MFSD6: variants seen among roughly 807,000 people sequenced by gnomAD.
MFSD6 encodes major facilitator superfamily domain containing 6.
MFSD6 carries 26 observed loss-of-function variants against 56.3 expected under a neutral mutation model. The observed-to-expected ratio is 0.46, with a 90% CI of 0.34 to 0.64. The LOEUF (loss-of-function observed/expected upper bound fraction) is 0.64. MFSD6 is among the 30% of genes least tolerant of loss of function. The pLI, the probability that MFSD6 is intolerant of heterozygous loss-of-function variation, is 0.01. For synonymous variants in MFSD6, 331 were observed against 366.9 expected (o/e 0.90, Z 1.12); for missense variants, 750 against 986.2 (o/e 0.76, Z 3.21).
intron 2 of MFSD6, among the ~76,000 whole-genome samples, chr2:190,430,669 A>G (rs1685941438): frequency 6.6e-6 from 1 of 151,596 alleles, no homozygotes; most frequent in African/African-American, 2.4e-5. Context: ...CCCCTTTTCT[A>G]TTCCACAAAA....
intron 4 of MFSD6, among the ~76,000 whole-genome samples, chr2:190,482,246 T>A (rs1574225893): frequency 1.3e-5 from 2 of 152,180 alleles, no homozygotes; most frequent in Admixed American, 1.3e-4. Flanking sequence ...TTCATTGGAC[T>A]TTGTGTGAGC....
chr2:190,439,201 T>C lies in MFSD6; in HGVS notation c.1532+1640T>C, dbSNP rs1388860625. ...GAGCAAATCTCACTGCAGTTAATAA[T>C]GTCTTTAAAATCACTGTTATTCATT... On this transcript the variant is annotated intron_variant, in intron 3 of 7. Coordinates refer to ENST00000392328, the MANE Select transcript of MFSD6 (RefSeq NM_017694.4). This position sits in a 1 kb window ranked among gnomAD's most constrained non-coding sequence, Gnocchi z 5.8. 6.6e-6 allele frequency among the ~76,000 whole-genome samples: 1 copy of C among 152,058 alleles called. No individual in the cohort carries two copies. The highest frequency in any genetic ancestry group is 2.1e-4 in the South Asian group (1 of 4,826).
At position 190,469,664 on chromosome 2, in the gene MFSD6, C is replaced by T. The variant is rs1362920953; in HGVS notation, c.1533-94C>T. 2 of 645,042 alleles carry T rather than the reference C, an allele frequency of 3.1e-6. No individual in the cohort carries two copies. Among genetic ancestry groups the T allele is most frequent in the Non-Finnish European group, 4.4e-6 (2 of 450,190 alleles). 40.0% of individuals were successfully genotyped at this position (645,042 alleles called of 1,614,324 possible). A position where few individuals can be genotyped will look rare whatever the true frequency, so the allele number is the denominator to read the frequency against. ...GGAAGGAAAAGGTAGGTAATATTTG[C>T]ATGTTTTGTACACATATTAGATTGT... On this transcript the variant is annotated intron_variant, in intron 3 of 7. Coordinates refer to ENST00000392328, the MANE Select transcript of MFSD6 (RefSeq NM_017694.4). The surrounding 1 kb of genome is among the most constrained non-coding windows in gnomAD (Gnocchi z 5.3).
At position 190,464,801 on chromosome 2, in the gene MFSD6, T is replaced by G; in HGVS notation, c.1533-4957T>G. ...GTAAGTCCCTTGAAGACCAAGTAGATTTCCTCTTCATTTTTACTCCCCTCA... is the reference window on the plus strand; with the variant it reads ...GTAAGTCCCTTGAAGACCAAGTAGAGTTCCTCTTCATTTTTACTCCCCTCA... On this transcript the variant is annotated intron_variant, in intron 3 of 7. Transcript: ENST00000392328. 5.8e-6 allele frequency: 3 copies of G among 521,304 alleles called. No homozygotes were observed. The South Asian group carries it at 2.4e-4, about 42-fold the overall frequency. The allele number at this position is 521,304 out of a possible 1,614,324, so 32.3% of individuals were successfully genotyped here.
intron 2 of MFSD6, among the ~76,000 whole-genome samples, chr2:190,428,316 T>C (rs961901500): frequency 6.6e-6 from 1 of 152,218 alleles, no homozygotes; most frequent in African/African-American, 2.4e-5. Context: ...TAGATGTCTT[T>C]CGGTGAATAT....
intron 4 of MFSD6, among the ~76,000 whole-genome samples, chr2:190,478,768 T>A (rs904120865): frequency 9.9e-5 from 15 of 152,150 alleles, no homozygotes; most frequent in African/African-American, 3.6e-4. Flanking sequence ...ATTGGGCATC[T>A]TGACTCTGAA....
rs918083638 is a variant in MFSD6, at chr2:190,456,444, C to T, written c.1533-13314C>T. The stretch of plus-strand genomic sequence containing the variant: ...CTCTTCGTTGTGAGATCTGTGGAGC[C>T]GCATCAGGAATTGAGGAATGGAAAA... On this transcript the variant is annotated intron_variant, in intron 3 of 7. Transcript: ENST00000392328. This position sits in a 1 kb window ranked among gnomAD's most constrained non-coding sequence, Gnocchi z 5.4. Among the ~76,000 whole-genome samples the T allele has an allele frequency of 9.9e-5, 15 of 152,154 alleles. No individual in the cohort carries two copies. Among genetic ancestry groups the T allele is most frequent in the African/African-American group, 3.6e-4 (15 of 41,438 alleles).
chr2:190,464,244 G>A (rs1253497132), intron 3 of MFSD6, among the ~76,000 whole-genome samples: 1 of 152,132 alleles, frequency 6.6e-6, no homozygotes, highest in Non-Finnish European at 1.5e-5. Flanking sequence ...ATCTTCATCT[G>A]GGGTCTTTCA....
chr2:190,446,164 G>A (rs928661927), intron 3 of MFSD6, among the ~76,000 whole-genome samples: 2 of 152,206 alleles, frequency 1.3e-5, no homozygotes, highest in South Asian at 2.1e-4. Context: ...GTCTTGTGGT[G>A]AGGTTTAGTT....
Position 190,436,439 on chromosome 2 carries a change from T to G in MFSD6, c.410T>G (p.Phe137Cys). The G allele has an allele frequency of 1.2e-6, 2 of 1,614,206 alleles. No homozygotes were observed. The highest frequency in any genetic ancestry group is 8.5e-7 in the Non-Finnish European group (1 of 1,180,040). ...RFKKGKIVLL[F>C]SLLCWVLFNL... ...AAAAAAGGCAAAATTGTCCTCCTCTTTTCTCTTTTGTGTTGGGTTTTATTC... is the reference window on the plus strand; with the variant it reads ...AAAAAAGGCAAAATTGTCCTCCTCTGTTCTCTTTTGTGTTGGGTTTTATTC... The change falls in exon 3 of 8, where the codon TTT (phenylalanine) becomes TGT (cysteine). Residue 137 changes from phenylalanine to cysteine, a missense_variant. By Grantham distance (205) the Phe-to-Cys change is radical (BLOSUM62 -2). Transcript: ENST00000392328. This position sits in a 1 kb window ranked among gnomAD's most constrained non-coding sequence, Gnocchi z 5.3.
rs115361832 is a variant in MFSD6 at position 190,496,611 on chromosome 2, A to G, written c.1892-828A>G. The stretch of plus-strand genomic sequence containing the variant: ...ATCAATGAGTGGATAAAGAAACTGT[A>G]GTGTGTGTATGTATGTATATGTGTG... On this transcript the variant is annotated intron_variant, in intron 6 of 7. Coordinates refer to ENST00000392328, the MANE Select transcript of MFSD6 (RefSeq NM_017694.4). This position sits in a 1 kb window ranked among gnomAD's most constrained non-coding sequence, Gnocchi z 4.7. Among the ~76,000 whole-genome samples, 1,481 of 152,176 alleles carry G rather than the reference A, an allele frequency of 9.7e-3. 11 individuals carry two copies. Among genetic ancestry groups the G allele is most frequent in the Non-Finnish European group, 0.015 (1,023 of 67,952 alleles).
rs1690772531 is a variant in MFSD6 at position 190,416,291 on chromosome 2, T to C, written c.-54+878T>C. On this transcript the variant is annotated intron_variant, in intron 2 of 7. Coordinates refer to ENST00000392328, the MANE Select transcript of MFSD6 (RefSeq NM_017694.4). This position sits in a 1 kb window ranked among gnomAD's most constrained non-coding sequence, Gnocchi z 4.1. ...GTTATAAGCTATTTCCTCCAACCCT[T>C]AAGAGATCAAAATAATTTGTTCCTT... Among the ~76,000 whole-genome samples the C allele has an allele frequency of 1.3e-5, 2 of 152,302 alleles. No individual in the cohort carries two copies. Among genetic ancestry groups the C allele is most frequent in the South Asian group, 4.1e-4 (2 of 4,824 alleles).
intron 2 of MFSD6, among the ~76,000 whole-genome samples, chr2:190,428,813 C>A (rs2125023415): frequency 6.6e-6 from 1 of 152,182 alleles, no homozygotes; most frequent in Non-Finnish European, 1.5e-5. Flanking sequence ...GCTGGGATTA[C>A]AGGCATCTGC....
At chr2:190,484,476 G>C (rs1012634695) in intron 4 of MFSD6, among the ~76,000 whole-genome samples, 1 of 151,908 alleles carries the variant, frequency 6.6e-6, no homozygotes, top group African/African-American at 2.4e-5. Flanking sequence ...TGTCGTTTTC[G>C]GTAGCACAAT....
rs1690797005 is a variant in MFSD6, at chr2:190,416,851, CA to C, written c.-54+1439del. Among the ~76,000 whole-genome samples the C allele has an allele frequency of 6.6e-6, 1 of 152,024 alleles. No individual in the cohort carries two copies. The highest frequency in any genetic ancestry group is 1.5e-5 in the Non-Finnish European group (1 of 67,988). On this transcript the variant is annotated intron_variant, in intron 2 of 7. Transcript: ENST00000392328. This position sits in a 1 kb window ranked among gnomAD's most constrained non-coding sequence, Gnocchi z 4.1. Reference sequence around the variant, plus strand: ...TAAAGAGGCACTGATTTATCAAAGCCAGGGGGATGCAACTGGGACTTCTTTT... The same window carrying C: ...TAAAGAGGCACTGATTTATCAAAGCCGGGGGATGCAACTGGGACTTCTTTT...
chr2:190,488,619 C>G lies in MFSD6; in HGVS notation c.1631-38C>G, dbSNP rs1282433809. On this transcript the variant is annotated intron_variant, in intron 4 of 7. Coordinates refer to ENST00000392328, the MANE Select transcript of MFSD6 (RefSeq NM_017694.4). The surrounding 1 kb of genome is among the most constrained non-coding windows in gnomAD (Gnocchi z 6.4). The stretch of plus-strand genomic sequence containing the variant: ...TCAAAACAGAGTAGCCTAAGAAATG[C>G]TAACCAACTAATCCCTCCTGCTCTT... The G allele has an allele frequency of 7.1e-7, 1 of 1,407,164 alleles. No individual in the cohort carries two copies. Among genetic ancestry groups the G allele is most frequent in the Non-Finnish European group, 9.3e-7 (1 of 1,070,940 alleles). 87.2% of individuals were successfully genotyped at this position (1,407,164 alleles called of 1,614,324 possible). A position where few individuals can be genotyped will look rare whatever the true frequency, so the allele number is the denominator to read the frequency against.
chr2:190,426,418 G>T lies in MFSD6; in HGVS notation c.-53-9559G>T, dbSNP rs972597172. Among the ~76,000 whole-genome samples, 1 of 151,520 alleles carries T rather than the reference G, an allele frequency of 6.6e-6. No individual in the cohort carries two copies. The highest frequency in any genetic ancestry group is 2.4e-5 in the African/African-American group (1 of 41,204). On this transcript the variant is annotated intron_variant, in intron 2 of 7. Coordinates refer to ENST00000392328, the MANE Select transcript of MFSD6 (RefSeq NM_017694.4). This position sits in a 1 kb window ranked among gnomAD's most constrained non-coding sequence, Gnocchi z 4.7. ...TTCCATTTCTTTGCTGAGACTTTCTGTTTTTTTTGTTTTGTTTCAAGCATG... is the reference window on the plus strand; with the variant it reads ...TTCCATTTCTTTGCTGAGACTTTCTTTTTTTTTTGTTTTGTTTCAAGCATG...
Position 190,461,679 on chromosome 2 carries a change from C to G in MFSD6, c.1533-8079C>G, listed in dbSNP as rs112002724. On this transcript the variant is annotated intron_variant, in intron 3 of 7. Transcript: ENST00000392328. This position sits in a 1 kb window ranked among gnomAD's most constrained non-coding sequence, Gnocchi z 5.5. ...GCAGAAGGGCAAAAGGGGGAAACAG[C>G]TCCCTCACACCTCTTTTACCCACTC... is the stretch of plus-strand genomic sequence containing the variant. Among the ~76,000 whole-genome samples the G allele has an allele frequency of 8.5e-3, 1,292 of 152,226 alleles. 6 individuals are homozygous for G. Among genetic ancestry groups the G allele is most frequent in the Non-Finnish European group, 0.012 (810 of 68,006 alleles).
Position 190,434,877 on chromosome 2 carries a change from C to T in MFSD6, c.-53-1100C>T, listed in dbSNP as rs1480015292. 6.6e-6 allele frequency among the ~76,000 whole-genome samples: 1 copy of T among 152,194 alleles called. No individual in the cohort carries two copies. Among genetic ancestry groups the T allele is most frequent in the Non-Finnish European group, 1.5e-5 (1 of 68,024 alleles). On this transcript the variant is annotated intron_variant, in intron 2 of 7. Coordinates refer to ENST00000392328, the MANE Select transcript of MFSD6 (RefSeq NM_017694.4). This position sits in a 1 kb window ranked among gnomAD's most constrained non-coding sequence, Gnocchi z 4.3. ...GCCTGTTAGGAATTGGGCTGCACAGCAAGAGCGGGCCAGCAAGCATTATCA... is the reference window on the plus strand; with the variant it reads ...GCCTGTTAGGAATTGGGCTGCACAGTAAGAGCGGGCCAGCAAGCATTATCA...
Sources: gnomAD v4.1 joint callset for allele counts (sites outside exome capture counted in the v4.1 genomes callset) on GRCh38, gnomAD v4.1.1 for gene constraint, Gnocchi (gnomAD v3.1) non-coding constraint, MANE v1.5 for transcripts, NCBI Gene and HGNC (gene_info 2026-07-23, HGNC 2026-07-21) for gene names.